Variants in LITAF observed in about 807,000 individuals in gnomAD.
LITAF encodes the protein lipopolysaccharide induced TNF factor.
A neutral mutation model predicts 14.5 loss-of-function variants in LITAF; 9 were observed. The ratio of observed to expected loss-of-function variants is 0.62; its 90% CI spans 0.37 to 1.08. The LOEUF (loss-of-function observed/expected upper bound fraction) is 1.08. Among genes scored for constraint, LITAF ranks in the 50% least tolerant of loss-of-function variants. LITAF has a pLI of 0.01. For synonymous variants in LITAF, 98 were observed against 88.2 expected (o/e 1.11, Z -0.62); for missense variants, 206 against 213.4 (o/e 0.97, Z 0.22).
At chr16:11,568,997 G>A (rs1247027015) in intron 1 of LITAF, among the ~76,000 whole-genome samples, 1 of 151,992 alleles carries the variant, frequency 6.6e-6, no homozygotes, top group Non-Finnish European at 1.5e-5. Context: ...ACTGTCAAAG[G>A]AGTCTCAGGG....
chr16:11,608,757 G>A (rs950919701), intron 3 of LITAF, among the ~76,000 whole-genome samples: 1 of 152,272 alleles, frequency 6.6e-6, no homozygotes, highest in South Asian at 2.1e-4. Context: ...GAGATCAGGA[G>A]TTCGAGACCA....
upstream of LITAF, among the ~76,000 whole-genome samples, chr16:11,602,619 T>C (rs564370018): frequency 5.3e-5 from 8 of 152,142 alleles, no homozygotes; most frequent in Admixed American, 4.6e-4. Context: ...CAAAATGTAA[T>C]TGAATGGAAT....
At chr16:11,557,074 G>GTTTGTTTTT (rs1567237776) in intron 1 of LITAF, among the ~76,000 whole-genome samples, 8 of 149,312 alleles carry the variant, frequency 5.4e-5, no homozygotes, top group Admixed American at 2.7e-4. Flanking sequence ...GTTTTTTTTT[G>GTTTGTTTTT]TTTGTTTTTT....
chr16:11,638,052 A>ATC (rs1340135606), upstream of LITAF, among the ~76,000 whole-genome samples: 1 of 101,024 alleles, frequency 9.9e-6, no homozygotes, highest in Non-Finnish European at 1.8e-5. Flanking sequence ...CTATATATAT[A>ATC]TCTATATATA....
At chr16:11,587,804 G>C (rs965679764), upstream of LITAF, among the ~76,000 whole-genome samples, 8 of 152,318 alleles carry the variant, frequency 5.3e-5, no homozygotes, top group African/African-American at 1.7e-4. Context: ...GAAATCATTA[G>C]AGGGAATTAA....
chr16:11,550,230 C>G (rs1044048697), intron 3 of LITAF, among the ~76,000 whole-genome samples: 2 of 152,338 alleles, frequency 1.3e-5, no homozygotes, highest in Admixed American at 1.3e-4. Context: ...GCTGGGATTG[C>G]AGGCGCATGC....
intron 3 of LITAF, among the ~76,000 whole-genome samples, chr16:11,625,541 G>C (rs2065078516): frequency 6.6e-6 from 1 of 152,124 alleles, no homozygotes; most frequent in Non-Finnish European, 1.5e-5. Flanking sequence ...GAGATTACAG[G>C]TGTGAGCCAC....
chr16:11,577,318 T>G (rs1446017877), intron 1 of LITAF, among the ~76,000 whole-genome samples: 4 of 96,648 alleles, frequency 4.1e-5, no homozygotes, highest in Admixed American at 3.5e-4. Flanking sequence ...AAGTGTCTAT[T>G]TTTTTTTTTT....
chr16:11,616,626 C>T (rs1179349322), intron 3 of LITAF, among the ~76,000 whole-genome samples: 1 of 152,158 alleles, frequency 6.6e-6, no homozygotes, highest in Non-Finnish European at 1.5e-5. Context: ...ATACATATTT[C>T]CTATTGTATC....
In LITAF at chr16:11,556,551, C is replaced by T. The variant is rs1430973151; in HGVS notation, c.180G>A (p.Ser60=). The stretch of plus-strand genomic sequence containing the variant: ...GGATGGGCGCTGGCTGGGTATAATA[C>T]GAAGGAGGATTCATGCCCTTCCCAT... ...GPDGKGMNPP[S]YYTQPAPIPN... is the part of the protein sequence containing the mutation. The change falls in exon 2 of 4, where the codon TCG becomes TCA. Residue 60 remains serine (S), a synonymous_variant. Transcript: ENST00000622633. 1.7e-5 allele frequency: 28 copies of T among 1,614,044 alleles called. No homozygotes were observed. The highest frequency in any genetic ancestry group is 4.5e-5 in the East Asian group (2 of 44,892).
At chr16:11,590,254 A>C (rs1023473553), upstream of LITAF, among the ~76,000 whole-genome samples, 1 of 118,526 alleles carries the variant, frequency 8.4e-6, no homozygotes, top group African/African-American at 4.0e-5. Flanking sequence ...AAACTAAATA[A>C]ATGGAAAGAC....
At chr16:11,574,959 C>G (rs998528757) in intron 1 of LITAF, among the ~76,000 whole-genome samples, 5 of 152,086 alleles carry the variant, frequency 3.3e-5, no homozygotes, top group African/African-American at 1.2e-4. Flanking sequence ...CATGCCACCA[C>G]GCTCAGCTCA....
chr16:11,623,572 A>C (rs2065064139), intron 3 of LITAF, among the ~76,000 whole-genome samples: 1 of 151,958 alleles, frequency 6.6e-6, no homozygotes, highest in Non-Finnish European at 1.5e-5. Context: ...AGGCAGGAGA[A>C]TCGCTTGAAC....
At chr16:11,637,926 C>CTA (rs2065145386), upstream of LITAF, among the ~76,000 whole-genome samples, 1 of 68,088 alleles carries the variant, frequency 1.5e-5, no homozygotes, top group African/African-American at 8.7e-5. Flanking sequence ...ATATCTATAT[C>CTA]TATATCTATA....
In LITAF at chr16:11,553,737, C is replaced by A; in HGVS notation, c.221-48G>T. On this transcript the variant is annotated intron_variant, in intron 2 of 3. Transcript: ENST00000622633. This position sits in a 1 kb window ranked among gnomAD's most constrained non-coding sequence, Gnocchi z 7.7. ...ACACAGGTTGCTCAGGAAACAAGGCCAATAGCATTCACTACAGGACAAAGA... is the reference window on the plus strand; with the variant it reads ...ACACAGGTTGCTCAGGAAACAAGGCAAATAGCATTCACTACAGGACAAAGA... 1 of 1,602,196 alleles carries A rather than the reference C, an allele frequency of 6.2e-7. No individual in the cohort carries two copies. The highest frequency in any genetic ancestry group is 1.1e-5 in the South Asian group (1 of 90,562).
chr16:11,569,358 A>G (rs1406105814), intron 1 of LITAF, among the ~76,000 whole-genome samples: 2 of 152,130 alleles, frequency 1.3e-5, no homozygotes, highest in Non-Finnish European at 2.9e-5. Context: ...CTCCCACCTC[A>G]GCCTCCCAAG....
At chr16:11,598,968 C>T (rs559053380), upstream of LITAF, among the ~76,000 whole-genome samples, 57 of 150,358 alleles carry the variant, frequency 3.8e-4, no homozygotes, top group African/African-American at 1.3e-3. Flanking sequence ...TACAGGCACC[C>T]GCCACCACTT....
chr16:11,614,173 A>G (rs2065002232), intron 3 of LITAF, among the ~76,000 whole-genome samples: 1 of 152,170 alleles, frequency 6.6e-6, no homozygotes, highest in Non-Finnish European at 1.5e-5. Flanking sequence ...GCTTAAAACA[A>G]CAGAAACTGA....
chr16:11,572,670 C>A (rs2064563682), intron 1 of LITAF, among the ~76,000 whole-genome samples: 1 of 152,200 alleles, frequency 6.6e-6, no homozygotes, highest in African/African-American at 2.4e-5. Flanking sequence ...TCACGGAAAA[C>A]AGGAAAGTCC....
Sources: allele counts gnomAD v4.1 joint callset (sites outside exome capture counted in the v4.1 genomes callset), GRCh38; gene constraint gnomAD v4.1.1; non-coding constraint Gnocchi (gnomAD v3.1); transcripts MANE v1.5; gene names NCBI Gene and HGNC (gene_info 2026-07-23, HGNC 2026-07-21).